The following MS4A3 variants were observed in gnomAD, a reference collection of about 807,000 sequenced individuals.
The protein encoded by MS4A3 is membrane spanning 4-domains A3.
MS4A3 carries 18 observed loss-of-function variants against 24.7 expected under a neutral mutation model. The observed-to-expected ratio is 0.73, with a 90% CI of 0.50 to 1.08. MS4A3 has a LOEUF of 1.08. Ranked by LOEUF, MS4A3 falls within the 50% of genes least tolerant of loss-of-function variation. The pLI is 0.00. For missense variants in MS4A3, 282 were observed against 251.7 expected, an observed-to-expected ratio of 1.12 and a Z score of -0.82; for synonymous variants, 84 against 95.3, an observed-to-expected ratio of 0.88 and a Z score of 0.69.
chr11:60,062,792 T>C (rs1855298528), intron 3 of MS4A3, 187 bp downstream of exon 3: 2 of 384,436 alleles, frequency 5.2e-6, no homozygotes, highest in Non-Finnish European at 8.6e-6. Flanking sequence ...ATTAATTACT[T>C]AATTAATTTA....
Position 60,062,598 on chromosome 11 carries a change from C to A in MS4A3, c.287C>A (p.Ala96Asp), listed in dbSNP as rs1180871687. The A allele has an allele frequency of 6.2e-7, 1 of 1,613,858 alleles. No homozygotes were observed. Among genetic ancestry groups the A allele is most frequent in the East Asian group, 2.2e-5 (1 of 44,878 alleles). Residue 96 changes from alanine to aspartate, a missense_variant, in exon 3 of 7, where the codon GCT becomes GAT. Coordinates refer to ENST00000278865, the MANE Select transcript of MS4A3 (RefSeq NM_006138.5). ...TACACAGGCTACCCGATTTGGGGTG[C>A]TGTGTTTGTGAGTATTCGTACTCCC... ...TFYTGYPIWG[A>D]VFFCSSGTLS...
intron 2 of MS4A3, 34 bp from the exon 3 acceptor site, chr11:60,062,434 G>T: frequency 1.2e-6 from 2 of 1,613,404 alleles, no homozygotes; most frequent in South Asian, 2.2e-5. Flanking sequence ...TTTAGTATAT[G>T]ACTGTTACGC....
chr11:60,065,767 CT>C (rs1234809134), intron 4 of MS4A3, among the ~76,000 whole-genome samples: 2 of 152,220 alleles, frequency 1.3e-5, no homozygotes, highest in Non-Finnish European at 2.9e-5. Context: ...TTCCTCCCAT[CT>C]TTTGCTTTCT....
chr11:60,068,722 A>G (rs1855419871), intron 5 of MS4A3, among the ~76,000 whole-genome samples: 1 of 152,078 alleles, frequency 6.6e-6, no homozygotes. Flanking sequence ...TTATTATTAT[A>G]CTTGAAGTTC....
In MS4A3 at chr11:60,062,595, G is replaced by A. The variant is rs1343411330; in HGVS notation, c.284G>A (p.Gly95Asp). 6.2e-7 allele frequency: 1 copy of A among 1,613,984 alleles called. No individual in the cohort carries two copies. The highest frequency in any genetic ancestry group is 2.2e-5 in the East Asian group (1 of 44,858). The change falls in exon 3 of 7, where the codon GGT becomes GAT. Residue 95 changes from glycine to aspartate, a missense_variant. Coordinates refer to ENST00000278865, the MANE Select transcript of MS4A3 (RefSeq NM_006138.5). ...FTFYTGYPIW[G>D]AVFFCSSGTL... The stretch of plus-strand genomic sequence containing the variant: ...TTCTACACAGGCTACCCGATTTGGG[G>A]TGCTGTGTTTGTGAGTATTCGTACT...
At position 60,070,344 on chromosome 11, in the gene MS4A3, A is replaced by G; in HGVS notation, c.*111A>G. ...AACATAAGCCTGCTCGTAAAGCTCA[A>G]TCCTTCTATCATGGCACCAATCACA... On this transcript the variant is annotated 3_prime_UTR_variant, in exon 7 of 7. Transcript: ENST00000278865. 1 of 831,708 alleles carries G rather than the reference A, an allele frequency of 1.2e-6. No individual in the cohort carries two copies. The highest frequency in any genetic ancestry group is 2.0e-6 in the Non-Finnish European group (1 of 508,390). The allele number at this position is 831,708 out of a possible 1,614,324, so 51.5% of individuals were successfully genotyped here. A position where few individuals can be genotyped will look rare whatever the true frequency, so the allele number is the denominator to read the frequency against.
chr11:60,059,985 C>T (rs1488899076), intron 1 of MS4A3, among the ~76,000 whole-genome samples: 1 of 152,166 alleles, frequency 6.6e-6, no homozygotes, highest in African/African-American at 2.4e-5. Context: ...GTTATAAAAG[C>T]ATATAAGCAT....
chr11:60,069,735 A>AG, intron 6 of MS4A3, 60 bp downstream of exon 6: 1 of 1,284,210 alleles, frequency 7.8e-7, no homozygotes, highest in Non-Finnish European at 1.1e-6. Context: ...GTAGGGTTTG[A>AG]AGTTGTTTCT....
intron 1 of MS4A3, among the ~76,000 whole-genome samples, chr11:60,058,302 T>A (rs1404905778): frequency 5.3e-5 from 8 of 149,978 alleles, no homozygotes; most frequent in African/African-American, 1.5e-4. Flanking sequence ...AGGTCAAGAG[T>A]TCGAGACCAG....
rs907913843 is a variant in MS4A3, at chr11:60,071,063, T to G, written c.*830T>G. ...AATAGGTGTAATAATAACAACTACTTTGTCGGTTGCTCTGAGGGTTAAATG... is the reference window on the plus strand; with the variant it reads ...AATAGGTGTAATAATAACAACTACTGTGTCGGTTGCTCTGAGGGTTAAATG... On this transcript the variant is annotated 3_prime_UTR_variant, in exon 7 of 7. Coordinates refer to ENST00000278865, the MANE Select transcript of MS4A3 (RefSeq NM_006138.5). The G allele has an allele frequency of 1.1e-4, 17 of 152,228 alleles. No individual in the cohort carries two copies. The highest frequency in any genetic ancestry group is 3.9e-4 in the African/African-American group (16 of 41,464). The allele number at this position is 152,228 out of a possible 1,614,324, so 9.4% of individuals were successfully genotyped here.
chr11:60,057,876 C>G (rs1335445450), intron 1 of MS4A3, among the ~76,000 whole-genome samples: 1 of 152,162 alleles, frequency 6.6e-6, no homozygotes, highest in Non-Finnish European at 1.5e-5. Flanking sequence ...CTTGGAGTTT[C>G]TTGAGATGAG....
At chr11:60,064,600 GAAGT>G (rs1030879542) in intron 4 of MS4A3, among the ~76,000 whole-genome samples, 16 of 152,076 alleles carry the variant, frequency 1.1e-4, no homozygotes, top group African/African-American at 3.9e-4. Flanking sequence ...TAATTATTTG[GAAGT>G]AAGAACTCCC....
rs1855374582 is a variant in MS4A3, at chr11:60,067,098, G to T, written c.499G>T (p.Gly167Cys). Residue 167 changes from glycine to cysteine, a missense_variant, in exon 5 of 7, where the codon GGC becomes TGC. Coordinates refer to ENST00000278865, the MANE Select transcript of MS4A3 (RefSeq NM_006138.5). Reference protein sequence around the residue: ...SESPDLCNYMGSISNGMVSLL... With the variant: ...SESPDLCNYMCSISNGMVSLL... ...GTCACCGGACCTATGCAATTACATG[G>T]GCTCCATATCAAATGTATGTTTCTG... is the stretch of plus-strand genomic sequence containing the variant. The T allele has an allele frequency of 6.2e-7, 1 of 1,605,942 alleles. No homozygotes were observed. The highest frequency in any genetic ancestry group is 1.1e-5 in the South Asian group (1 of 89,218).
intron 1 of MS4A3, among the ~76,000 whole-genome samples, chr11:60,060,105 C>T (rs2134657094): frequency 6.6e-6 from 1 of 152,244 alleles, no homozygotes; most frequent in Middle Eastern, 3.4e-3. Context: ...ACATATTTTT[C>T]AGCTGTAATG....
intron 5 of MS4A3, 116 bp from the exon 6 acceptor site, chr11:60,069,457 GT>G (rs1855438121): frequency 4.4e-6 from 3 of 680,658 alleles, no homozygotes; most frequent in Non-Finnish European, 7.9e-6. Flanking sequence ...TTAATTTATG[GT>G]TCACTTTGTT....
intron 5 of MS4A3, among the ~76,000 whole-genome samples, chr11:60,067,429 A>T (rs984654610): frequency 1.3e-5 from 2 of 151,806 alleles, no homozygotes; most frequent in Non-Finnish European, 2.9e-5. Flanking sequence ...GTTAACCAGG[A>T]TGGTCTTGAT....
chr11:60,064,415 C>T (rs1162129571), intron 4 of MS4A3, 97 bp downstream of exon 4: 2 of 808,330 alleles, frequency 2.5e-6, no homozygotes, highest in Admixed American at 2.7e-5. Context: ...AACTGAGACA[C>T]TGAGTATCAT....
At chr11:60,069,762 C>A (rs1472772977) in intron 6 of MS4A3, 87 bp downstream of exon 6, 5 of 955,248 alleles carry the variant, frequency 5.2e-6, no homozygotes, top group East Asian at 2.4e-5. Context: ...TAGAAATAAA[C>A]CTTTATGTGG....
intron 4 of MS4A3, among the ~76,000 whole-genome samples, chr11:60,066,488 C>G (rs1372373580): frequency 2.0e-5 from 3 of 152,144 alleles, no homozygotes; most frequent in Non-Finnish European, 2.9e-5. Context: ...CTCCAACGCC[C>G]TTGACCCCTT....
Sources: gnomAD v4.1 joint callset for allele counts (sites outside exome capture counted in the v4.1 genomes callset) on GRCh38, gnomAD v4.1.1 for gene constraint, MANE v1.5 for transcripts, NCBI Gene and HGNC (gene_info 2026-07-23, HGNC 2026-07-21) for gene names.